Variants in CBLB observed in about 807,000 individuals in gnomAD.
The protein encoded by CBLB is E3 ubiquitin-protein ligase CBL-B.
Under a neutral mutation model 104.9 loss-of-function variants are expected in CBLB, and 31 were observed. The observed-to-expected ratio is 0.30, with a 90% CI of 0.22 to 0.40. The LOEUF (loss-of-function observed/expected upper bound fraction) is 0.40, where lower values mean the gene tolerates loss of function less well. CBLB is among the 10% of genes least tolerant of loss of function. The pLI, the probability that CBLB is intolerant of heterozygous loss-of-function variation, is 1.00. For missense variants in CBLB, 1,062 were observed against 1,214.6 expected (o/e 0.87, Z 1.87); for synonymous variants, 440 against 422.6 (o/e 1.04, Z -0.51).
At chr3:105,790,639 C>G (rs910824446) in intron 3 of CBLB, among the ~76,000 whole-genome samples, 1 of 152,178 alleles carries the variant, frequency 6.6e-6, no homozygotes, top group African/African-American at 2.4e-5. Flanking sequence ...CAATTACATA[C>G]ACTCTAACTG....
intron 2 of CBLB, among the ~76,000 whole-genome samples, chr3:105,859,527 C>T (rs746869936): frequency 1.3e-5 from 2 of 151,892 alleles, no homozygotes; most frequent in East Asian, 1.9e-4. Context: ...TGGTGGCAGG[C>T]GCCTGTAGTC....
At chr3:105,818,651 G>A (rs1461231847) in intron 3 of CBLB, among the ~76,000 whole-genome samples, 4 of 152,024 alleles carry the variant, frequency 2.6e-5, no homozygotes, top group African/African-American at 9.7e-5. Context: ...TATTACCACT[G>A]AATCTAATGC....
chr3:105,852,515 A>C (rs912372097), intron 3 of CBLB, among the ~76,000 whole-genome samples: 2 of 152,222 alleles, frequency 1.3e-5, no homozygotes, highest in Non-Finnish European at 2.9e-5. Flanking sequence ...AAAAATTAAA[A>C]GTTTATCAAG....
chr3:105,741,105 T>TTTG (rs1354049678), intron 6 of CBLB, among the ~76,000 whole-genome samples: 2 of 147,426 alleles, frequency 1.4e-5, no homozygotes, highest in South Asian at 4.4e-4. Flanking sequence ...GTTTTTTTTT[T>TTTG]TTTTTTTTTT....
At chr3:105,696,752 A>G (rs1409809700) in intron 12 of CBLB, among the ~76,000 whole-genome samples, 1 of 151,876 alleles carries the variant, frequency 6.6e-6, no homozygotes, top group African/African-American at 2.4e-5. Flanking sequence ...CCTGCCTACC[A>G]AATTATGATT....
intron 4 of CBLB, among the ~76,000 whole-genome samples, chr3:105,773,351 A>C (rs1384015405): frequency 6.6e-6 from 1 of 152,204 alleles, no homozygotes; most frequent in Non-Finnish European, 1.5e-5. Flanking sequence ...AAGCAAAGGC[A>C]TAAGAATGAT....
At chr3:105,667,285 C>T (rs2064570070) in intron 18 of CBLB, among the ~76,000 whole-genome samples, 1 of 110,548 alleles carries the variant, frequency 9.0e-6, no homozygotes, top group African/African-American at 3.5e-5. Flanking sequence ...GTGAATGGTG[C>T]ACTTCATTAA....
Position 105,776,492 on chromosome 3 carries a change from A to G in CBLB, c.470T>C (p.Ile157Thr). Residue 157 changes from isoleucine to threonine, a missense_variant, in exon 4 of 19, where the codon ATC (isoleucine) becomes ACC (threonine). Around this residue, in one of 2 missense-constraint regions of CBLB, gnomAD observed 457 missense variants for 632.0 expected, o/e 0.72. Transcript: ENST00000394030. ...TTGACCATTGGGAAAGATTGCTTTGATTTCTGCCAGCATGTGACTGAAGAT... is the reference window on the plus strand; with the variant it reads ...TTGACCATTGGGAAAGATTGCTTTGGTTTCTGCCAGCATGTGACTGAAGAT... The part of the protein sequence containing the change: ...SLIFSHMLAE[I>T]KAIFPNGQFQ... 6.2e-7 allele frequency: 1 copy of G among 1,613,876 alleles called. No individual in the cohort carries two copies.
At chr3:105,798,686 G>C (rs1213699913) in intron 3 of CBLB, among the ~76,000 whole-genome samples, 1 of 152,134 alleles carries the variant, frequency 6.6e-6, no homozygotes, top group Non-Finnish European at 1.5e-5. Flanking sequence ...ATTGAGACTG[G>C]GGGTAGGGGA....
chr3:105,741,375 T>A (rs976188797), intron 6 of CBLB, among the ~76,000 whole-genome samples: 5 of 150,064 alleles, frequency 3.3e-5, no homozygotes, highest in African/African-American at 1.2e-4. Flanking sequence ...TTTTTGTTGT[T>A]GTTGTTATTT....
At chr3:105,851,390 A>T (rs1235323787) in intron 3 of CBLB, among the ~76,000 whole-genome samples, 1 of 152,158 alleles carries the variant, frequency 6.6e-6, no homozygotes, top group African/African-American at 2.4e-5. Flanking sequence ...GGGAAGTGAG[A>T]CAGTAAGTAG....
chr3:105,789,281 T>G (rs2081374958), intron 3 of CBLB, among the ~76,000 whole-genome samples: 1 of 152,168 alleles, frequency 6.6e-6, no homozygotes, highest in Non-Finnish European at 1.5e-5. Context: ...TCTCTGAGAA[T>G]AGAAATGAGT....
At position 105,751,447 on chromosome 3, in the gene CBLB, C is replaced by A. The variant is rs372686189; in HGVS notation, c.723+15G>T. On this transcript the variant is annotated intron_variant, in intron 5 of 18. Coordinates refer to ENST00000394030, the MANE Select transcript of CBLB (RefSeq NM_170662.5). Reference sequence around the variant, plus strand: ...AGAAGAAGGGAATGGATAGACTAAGCAAGTATAAACTTACCTGAAACAGCC... The same window carrying A: ...AGAAGAAGGGAATGGATAGACTAAGAAAGTATAAACTTACCTGAAACAGCC... The A allele has an allele frequency of 1.9e-6, 3 of 1,583,480 alleles. No homozygotes were observed. The African/African-American group carries it at 4.0e-5, about 21-fold the overall frequency.
At position 105,661,059 on chromosome 3, in the gene CBLB, T is replaced by C. The variant is rs573373122; in HGVS notation, c.2690-1830A>G. 1.0e-3 allele frequency among the ~76,000 whole-genome samples: 157 copies of C among 151,848 alleles called. 1 individual carries two copies. The highest frequency in any genetic ancestry group is 3.8e-3 in the African/African-American group (156 of 41,438). Reference sequence around the variant, plus strand: ...CTCAGGCAATCCTTCCATCTTGGCCTCCCAAAATGCTAAAATTACAGGCGT... The same window carrying C: ...CTCAGGCAATCCTTCCATCTTGGCCCCCCAAAATGCTAAAATTACAGGCGT... On this transcript the variant is annotated intron_variant, in intron 18 of 18. Coordinates refer to ENST00000394030, the MANE Select transcript of CBLB (RefSeq NM_170662.5).
At chr3:105,869,042 AGGCTC>A, upstream of CBLB, 1 of 475,056 alleles carries the variant, frequency 2.1e-6, no homozygotes, top group Non-Finnish European at 3.1e-6. Flanking sequence ...CACAGGACCC[AGGCTC>A]GGGGCGGGGC....
chr3:105,832,709 C>T lies in CBLB; in HGVS notation c.419+20705G>A, dbSNP rs566551624. On this transcript the variant is annotated intron_variant, in intron 3 of 18. Coordinates refer to ENST00000394030, the MANE Select transcript of CBLB (RefSeq NM_170662.5). ...CCATATAAAGGTCTAACAATGCCTG[C>T]CAAGTTTTATGGTGCTCACTAAATA... Among the ~76,000 whole-genome samples, 175 of 152,294 alleles carry T rather than the reference C, an allele frequency of 1.1e-3. 1 individual carries two copies. The highest frequency in any genetic ancestry group is 2.2e-3 in the Admixed American group (33 of 15,302).
At chr3:105,682,297 A>G (rs938995872) in intron 14 of CBLB, among the ~76,000 whole-genome samples, 5 of 152,234 alleles carry the variant, frequency 3.3e-5, no homozygotes, top group African/African-American at 1.2e-4. Flanking sequence ...AAGAAAAATT[A>G]TTGAACTTTC....
At position 105,853,197 on chromosome 3, in the gene CBLB, G is replaced by C. The variant is rs542957728; in HGVS notation, c.419+217C>G. Among the ~76,000 whole-genome samples the C allele has an allele frequency of 5.3e-5, 8 of 152,228 alleles. 1 individual carries two copies. Among genetic ancestry groups the C allele is most frequent in the Middle Eastern group, 3.4e-3 (1 of 294 alleles). On this transcript the variant is annotated intron_variant, in intron 3 of 18. Transcript: ENST00000394030. ...GGTGTGCGGTAGGTAATACCATCTAGCTCTGTGTAAGTACACTCTATCATG... is the reference window on the plus strand; with the variant it reads ...GGTGTGCGGTAGGTAATACCATCTACCTCTGTGTAAGTACACTCTATCATG...
intron 2 of CBLB, among the ~76,000 whole-genome samples, chr3:105,854,773 C>T (rs1035670271): frequency 6.6e-6 from 1 of 152,086 alleles, no homozygotes; most frequent in African/African-American, 2.4e-5. Flanking sequence ...GCTGGGATTA[C>T]AGGTGCCTGC....
Sources: allele counts gnomAD v4.1 joint callset (sites outside exome capture counted in the v4.1 genomes callset), GRCh38; gene constraint gnomAD v4.1.1; regional missense constraint gnomAD v4.1.1; transcripts MANE v1.5; gene names NCBI Gene and HGNC (gene_info 2026-07-23, HGNC 2026-07-21).